The following ARHGEF3 variants were observed in gnomAD, a reference collection of about 807,000 sequenced individuals.
ARHGEF3 encodes Rho guanine nucleotide exchange factor 3.
ARHGEF3 carries 28 observed loss-of-function variants against 63.2 expected under a neutral mutation model. The ratio of observed to expected loss-of-function variants is 0.44; its 90% CI spans 0.33 to 0.61. The LOEUF (loss-of-function observed/expected upper bound fraction) is 0.61, where lower values mean the gene tolerates loss of function less well. Ranked by LOEUF, ARHGEF3 falls within the 20% of genes least tolerant of loss-of-function variation. ARHGEF3 has a pLI of 0.03. For missense variants in ARHGEF3, 533 were observed against 659.3 expected (o/e 0.81, Z 2.10); for synonymous variants, 266 against 254.2 (o/e 1.05, Z -0.44).
intron 4 of ARHGEF3, among the ~76,000 whole-genome samples, chr3:56,861,385 T>C (rs891407952): frequency 6.6e-6 from 1 of 152,140 alleles, no homozygotes; most frequent in Non-Finnish European, 1.5e-5. Context: ...TAATCTATCA[T>C]CTAGGTTTGG....
chr3:57,022,775 CA>C, intron 2 of ARHGEF3, among the ~76,000 whole-genome samples: 1 of 152,062 alleles, frequency 6.6e-6, no homozygotes, highest in Non-Finnish European at 1.5e-5. Context: ...ACCTATCTTT[CA>C]AGACATGACT....
chr3:56,730,495 AG>A (rs2033071667), intron 9 of ARHGEF3, among the ~76,000 whole-genome samples: 1 of 149,870 alleles, frequency 6.7e-6, no homozygotes, highest in African/African-American at 2.5e-5. Context: ...CTCCTGTCTC[AG>A]CCTCCTGAGT....
At chr3:57,021,751 CA>C (rs11328299) in intron 2 of ARHGEF3, among the ~76,000 whole-genome samples, 24,144 of 108,350 alleles carry the variant, frequency 0.22, 1,964 homozygotes, top group African/African-American at 0.24. Flanking sequence ...GACGCCATCT[CA>C]AAAAAAAAAA....
intron 4 of ARHGEF3, among the ~76,000 whole-genome samples, chr3:56,832,444 A>G (rs1019814166): frequency 1.3e-5 from 2 of 152,114 alleles, no homozygotes; most frequent in African/African-American, 4.8e-5. Context: ...TAATGGATAA[A>G]AGAAATAAAA....
intron 3 of ARHGEF3, among the ~76,000 whole-genome samples, chr3:56,947,697 C>G (rs559611846): frequency 3.0e-4 from 45 of 152,286 alleles, no homozygotes; most frequent in Admixed American, 2.4e-3. Flanking sequence ...TAACACCCCA[C>G]TGTCAACATC....
At chr3:56,850,012 G>A (rs912981195) in intron 4 of ARHGEF3, among the ~76,000 whole-genome samples, 6 of 152,004 alleles carry the variant, frequency 3.9e-5, no homozygotes, top group Admixed American at 1.3e-4. Context: ...GCATTTTCTG[G>A]GTTTTAAGTA....
intron 3 of ARHGEF3, among the ~76,000 whole-genome samples, chr3:56,895,537 C>T (rs1486581184): frequency 6.6e-6 from 1 of 151,750 alleles, no homozygotes; most frequent in Non-Finnish European, 1.5e-5. Flanking sequence ...TATCTTGGCT[C>T]ACTGCAAGCT....
intron 1 of ARHGEF3, among the ~76,000 whole-genome samples, chr3:57,052,770 G>A (rs556998831): frequency 3.7e-4 from 56 of 152,292 alleles, no homozygotes; most frequent in African/African-American, 1.3e-3. Flanking sequence ...CAGCACACAG[G>A]CCTGGAATCG....
At chr3:56,985,245 T>G (rs945319160) in intron 2 of ARHGEF3, among the ~76,000 whole-genome samples, 1 of 152,222 alleles carries the variant, frequency 6.6e-6, no homozygotes, top group Admixed American at 6.5e-5. Context: ...CCCGCCACCA[T>G]GACCAGCTAA....
intron 1 of ARHGEF3, among the ~76,000 whole-genome samples, chr3:56,786,408 C>A (rs2036817671): frequency 6.6e-6 from 1 of 152,126 alleles, no homozygotes; most frequent in African/African-American, 2.4e-5. Flanking sequence ...CCCCCACACC[C>A]CCCAAATGAG....
At chr3:57,007,212 G>T (rs1457504782) in intron 2 of ARHGEF3, 2 of 1,288,500 alleles carry the variant, frequency 1.6e-6, no homozygotes, top group African/African-American at 3.0e-5. Context: ...GGAATCTTAG[G>T]AGTCGAAGGT....
Position 56,732,101 on chromosome 3 carries a change from T to C in ARHGEF3, c.1228+137A>G, listed in dbSNP as rs2033206849. The stretch of plus-strand genomic sequence containing the variant: ...CACAGGGACTAAACAAAGTACATAA[T>C]CAGGAAGTGATGAAATAGCATACAA... On this transcript the variant is annotated intron_variant, in intron 9 of 9. Coordinates refer to ENST00000296315, the MANE Select transcript of ARHGEF3 (RefSeq NM_019555.3). The C allele has an allele frequency of 8.6e-6, 9 of 1,047,042 alleles. 1 individual carries two copies. In the South Asian group the frequency reaches 1.2e-4, roughly 14 times the overall value. 64.9% of individuals were successfully genotyped at this position (1,047,042 alleles called of 1,614,324 possible).
intron 1 of ARHGEF3, among the ~76,000 whole-genome samples, chr3:57,068,157 G>A (rs1001706044): frequency 1.1e-4 from 9 of 80,072 alleles, no homozygotes; most frequent in South Asian, 4.3e-4. Context: ...AGATATGCGC[G>A]CACACACACA....
intron 3 of ARHGEF3, among the ~76,000 whole-genome samples, chr3:56,956,997 G>T (rs1358400215): frequency 6.6e-6 from 1 of 152,192 alleles, no homozygotes; most frequent in Non-Finnish European, 1.5e-5. Context: ...AAGGCTCTGA[G>T]AAGCCCTGCA....
At chr3:56,992,408 A>AC (rs1701796922) in intron 2 of ARHGEF3, among the ~76,000 whole-genome samples, 31 of 118,842 alleles carry the variant, frequency 2.6e-4, no homozygotes, top group Non-Finnish European at 4.3e-4. Flanking sequence ...AAAAAAAAAA[A>AC]AAAAAACAGA....
At chr3:57,036,493 C>T (rs1217970604) in intron 1 of ARHGEF3, among the ~76,000 whole-genome samples, 1 of 152,094 alleles carries the variant, frequency 6.6e-6, no homozygotes, top group Non-Finnish European at 1.5e-5. Context: ...GAACATTTGC[C>T]CCAGGATGAG....
chr3:56,826,053 C>G (rs1356517724), intron 4 of ARHGEF3, among the ~76,000 whole-genome samples: 1 of 152,084 alleles, frequency 6.6e-6, no homozygotes, highest in Non-Finnish European at 1.5e-5. Flanking sequence ...CAAGAAAGTA[C>G]CCTTAAGTTA....
chr3:56,976,834 A>G (rs1444880141), intron 2 of ARHGEF3, among the ~76,000 whole-genome samples: 1 of 152,104 alleles, frequency 6.6e-6, no homozygotes, highest in Non-Finnish European at 1.5e-5. Flanking sequence ...CATGTGGTAG[A>G]AAGGAAGGTA....
In ARHGEF3 at chr3:56,917,942, G is replaced by A. The variant is rs528772759; in HGVS notation, c.130-35588C>T. Among the ~76,000 whole-genome samples, 7 of 152,278 alleles carry A rather than the reference G, an allele frequency of 4.6e-5. No individual in the cohort carries two copies. The East Asian group carries it at 5.8e-4, about 13-fold the overall frequency. On this transcript the variant is annotated intron_variant, in intron 3 of 12. Transcript: ENST00000338458. ...ATGGAGCTAGCACCTGGAAGCACTC[G>A]GTAATGAGTGTCAGATCAAATGACA...
Sources: allele counts gnomAD v4.1 joint callset (sites outside exome capture counted in the v4.1 genomes callset), GRCh38; gene constraint gnomAD v4.1.1; transcripts MANE v1.5; gene names NCBI Gene and HGNC (gene_info 2026-07-23, HGNC 2026-07-21).